The following LRFN2 variants were observed in gnomAD, a reference collection of about 807,000 sequenced individuals.
LRFN2 encodes leucine-rich repeat and fibronectin type-III domain-containing protein 2.
Under a neutral mutation model 37.3 loss-of-function variants are expected in LRFN2, and 18 were observed. The ratio of observed to expected loss-of-function variants is 0.48; its 90% confidence interval spans 0.33 to 0.72. The LOEUF is 0.72. LRFN2 is among the 30% of genes least tolerant of loss of function. The pLI is 0.02. For missense variants in LRFN2, 1,006 were observed against 1,060.7 expected (o/e 0.95, Z 0.72); for synonymous variants, 556 against 466.6 (o/e 1.19, Z -2.47).
intron 1 of LRFN2, among the ~76,000 whole-genome samples, chr6:40,560,951 C>T (rs937911268): frequency 2.0e-4 from 31 of 152,180 alleles, no homozygotes; most frequent in African/African-American, 7.2e-4. Flanking sequence ...TCTGTCTTCC[C>T]TGTCTGTAAT....
intron 2 of LRFN2, among the ~76,000 whole-genome samples, chr6:40,416,634 T>C (rs1222632452): frequency 1.3e-5 from 2 of 152,150 alleles, no homozygotes; most frequent in Non-Finnish European, 2.9e-5. Context: ...TTTGACTCTG[T>C]CTTTCCTCTC....
chr6:40,509,822 G>T (rs982230610), intron 1 of LRFN2, among the ~76,000 whole-genome samples: 3 of 151,594 alleles, frequency 2.0e-5, no homozygotes, highest in Non-Finnish European at 2.9e-5. Flanking sequence ...AGGGAATACT[G>T]AGCTGCGCAG....
At chr6:40,430,305 CT>C (rs1359156470) in intron 2 of LRFN2, among the ~76,000 whole-genome samples, 1 of 152,160 alleles carries the variant, frequency 6.6e-6, no homozygotes, top group Non-Finnish European at 1.5e-5. Flanking sequence ...CCCATGTACT[CT>C]TCTCTCCCAG....
chr6:40,489,267 C>A (rs1249371799), intron 1 of LRFN2, among the ~76,000 whole-genome samples: 2 of 152,226 alleles, frequency 1.3e-5, no homozygotes, highest in Admixed American at 1.3e-4. Flanking sequence ...CAATAGAGCA[C>A]CCTGTTCTTC....
At chr6:40,457,256 G>A (rs1399930337) in intron 1 of LRFN2, among the ~76,000 whole-genome samples, 3 of 152,054 alleles carry the variant, frequency 2.0e-5, no homozygotes, top group Non-Finnish European at 2.9e-5. Context: ...ATCCAAAGGA[G>A]GGATCTTAAA....
chr6:40,451,724 A>G (rs559462458), intron 1 of LRFN2, among the ~76,000 whole-genome samples: 117 of 152,296 alleles, frequency 7.7e-4, no homozygotes, highest in African/African-American at 2.7e-3. Context: ...TTACCCTGTT[A>G]GAAACATGCC....
rs747377150 is a variant in LRFN2, at chr6:40,431,937, T to G, written c.1177A>C (p.Lys393Gln). Residue 393 changes from lysine to glutamine, a missense_variant, in exon 2 of 3, where the codon AAG becomes CAG. Transcript: ENST00000338305. ...SNSTSRTAPP[K>Q]SRLSDITGSS... ...CCAGTGATGTCTGAGAGGCGGGACT[T>G]GGGGGGTGCAGTGCGGCTGGTGCTG... 1.9e-6 allele frequency: 3 copies of G among 1,613,304 alleles called. No homozygotes were observed. The highest frequency in any genetic ancestry group is 1.3e-5 in the African/African-American group (1 of 74,874).
At chr6:40,420,523 G>A (rs1321500403) in intron 2 of LRFN2, among the ~76,000 whole-genome samples, 1 of 152,242 alleles carries the variant, frequency 6.6e-6, no homozygotes, top group African/African-American at 2.4e-5. Flanking sequence ...ACTGGTTGCT[G>A]GGACTGTGTG....
chr6:40,505,900 G>C (rs1216866295), intron 1 of LRFN2, among the ~76,000 whole-genome samples: 1 of 152,206 alleles, frequency 6.6e-6, no homozygotes, highest in Non-Finnish European at 1.5e-5. Flanking sequence ...GAGATGGGCA[G>C]GGGTCTGGGG....
intron 1 of LRFN2, among the ~76,000 whole-genome samples, chr6:40,439,790 T>C (rs192550233): frequency 9.0e-4 from 137 of 152,254 alleles, no homozygotes; most frequent in African/African-American, 3.0e-3. Context: ...TGAGTGTGTG[T>C]TGGGGTAGGA....
At chr6:40,519,422 AAT>A (rs1289696058) in intron 1 of LRFN2, among the ~76,000 whole-genome samples, 4 of 152,216 alleles carry the variant, frequency 2.6e-5, no homozygotes, top group Non-Finnish European at 5.9e-5. Context: ...AGGGGCAGAG[AAT>A]ACACCCCTTG....
At chr6:40,401,188 G>A (rs1290272291) in intron 2 of LRFN2, among the ~76,000 whole-genome samples, 1 of 152,046 alleles carries the variant, frequency 6.6e-6, no homozygotes, top group Admixed American at 6.5e-5. Flanking sequence ...TCCAGGAAGA[G>A]CCTGTGGAAT....
At chr6:40,411,998 G>T (rs1434426885) in intron 2 of LRFN2, among the ~76,000 whole-genome samples, 2 of 152,158 alleles carry the variant, frequency 1.3e-5, no homozygotes, top group Non-Finnish European at 2.9e-5. Flanking sequence ...TCTCTCATCT[G>T]CATGTAACGT....
chr6:40,400,903 G>A (rs1229199509), intron 2 of LRFN2, among the ~76,000 whole-genome samples: 1 of 151,724 alleles, frequency 6.6e-6, no homozygotes, highest in East Asian at 1.9e-4. Context: ...GTGTGTGCCA[G>A]AGTGTAGGTG....
rs1764189919 is a variant in LRFN2 at position 40,454,344 on chromosome 6, T to A, written c.-18-21213A>T. Among the ~76,000 whole-genome samples the A allele has an allele frequency of 3.9e-5, 6 of 152,164 alleles. No homozygotes were observed. In the South Asian group the frequency reaches 1.2e-3, roughly 32 times the overall value. On this transcript the variant is annotated intron_variant, in intron 1 of 2. Transcript: ENST00000338305. ...AAATTTTAATGCTGTCCTGGGTGCA[T>A]CTAGTTGGGGATGGTGTCATGGGTG...
chr6:40,435,101 A>AATATATATTATATATTTTAT (rs1763629815), intron 1 of LRFN2, among the ~76,000 whole-genome samples: 1 of 135,568 alleles, frequency 7.4e-6, no homozygotes, highest in South Asian at 2.4e-4. Context: ...ACAGAGAGAT[A>AATATATATTATATATTTTAT]ATATATATTA....
chr6:40,521,548 C>T (rs544355401), intron 1 of LRFN2, among the ~76,000 whole-genome samples: 11 of 152,336 alleles, frequency 7.2e-5, no homozygotes, highest in South Asian at 6.2e-4. Context: ...TAATCCTGAA[C>T]GGTTTAAGCA....
intron 1 of LRFN2, among the ~76,000 whole-genome samples, chr6:40,507,080 G>A (rs536930218): frequency 3.4e-4 from 52 of 152,248 alleles, no homozygotes; most frequent in African/African-American, 1.1e-3. Flanking sequence ...GATTGTTTCC[G>A]CTCCCCGCGT....
intron 1 of LRFN2, among the ~76,000 whole-genome samples, chr6:40,445,877 T>A (rs1051091136): frequency 1.3e-5 from 2 of 152,210 alleles, no homozygotes; most frequent in African/African-American, 4.8e-5. Context: ...AATAATCTTA[T>A]AAAGTTGTGA....
Sources: gnomAD v4.1 joint callset for allele counts (sites outside exome capture counted in the v4.1 genomes callset) on GRCh38, gnomAD v4.1.1 for gene constraint, MANE v1.5 for transcripts, NCBI Gene and HGNC (gene_info 2026-07-23, HGNC 2026-07-21) for gene names.